FBN2: variants seen among roughly 807,000 people sequenced by gnomAD.
FBN2 encodes the protein fibrillin-2.
In FBN2, 105 loss-of-function variants were observed where a neutral mutation model predicts 355.6. That is an observed-to-expected ratio of 0.30 (90% CI 0.25 to 0.35). The LOEUF (loss-of-function observed/expected upper bound fraction) is 0.35. Ranked by LOEUF, FBN2 falls within the 10% of genes least tolerant of loss-of-function variation. The pLI is 1.00. For missense variants in FBN2, 3,280 were observed against 3,758.7 expected, an observed-to-expected ratio of 0.87 and a Z score of 3.33; for synonymous variants, 1,350 against 1,301.2, an observed-to-expected ratio of 1.04 and a Z score of -0.81.
chr5:128,519,162 A>G (rs1000386768), intron 5 of FBN2, 111 bp downstream of exon 5: 20 of 782,102 alleles, frequency 2.6e-5, no homozygotes, highest in Admixed American at 4.1e-5. Context: ...TAATCAAAGA[A>G]GAGTAAAAAT....
intron 7 of FBN2, among the ~76,000 whole-genome samples, chr5:128,435,294 T>C (rs1030909759): frequency 3.9e-4 from 60 of 152,310 alleles, no homozygotes; most frequent in African/African-American, 1.3e-3. Context: ...GGTCATTTCA[T>C]TGCCTGTTAA....
intron 11 of FBN2, among the ~76,000 whole-genome samples, chr5:128,383,317 A>T (rs1030428387): frequency 9.9e-5 from 15 of 151,902 alleles, no homozygotes; most frequent in African/African-American, 3.4e-4. Context: ...ATACAATATT[A>T]AAAAAAATGA....
intron 5 of FBN2, among the ~76,000 whole-genome samples, chr5:128,479,321 T>C (rs1402279092): frequency 3.3e-5 from 5 of 152,220 alleles, no homozygotes; most frequent in African/African-American, 1.2e-4. Context: ...CGTGGTCTTA[T>C]ATTCCTGTGT....
At chr5:128,364,752 C>G in intron 17 of FBN2, 27 bp from the exon 18 acceptor site, 1 of 1,593,926 alleles carries the variant, frequency 6.3e-7, no homozygotes, top group Non-Finnish European at 8.6e-7. Flanking sequence ...AAGTTTAGTG[C>G]TATCAACAAA....
Position 128,537,355 on chromosome 5 carries a change from G to A in FBN2, c.249C>T (p.Leu83=), listed in dbSNP as rs1756881262. 3.1e-6 allele frequency: 5 copies of A among 1,610,388 alleles called. No homozygotes were observed. Among genetic ancestry groups the A allele is most frequent in the African/African-American group, 1.3e-5 (1 of 74,936 alleles). Reference sequence around the variant, plus strand: ...GGAGCCGCTTGCCCACTTACCCTCGGAGCACGTCCTGCTGTCCTCGCCGGC... The same window carrying A: ...GGAGCCGCTTGCCCACTTACCCTCGAAGCACGTCCTGCTGTCCTCGCCGGC... ...RVRRRGQQDV[L]RGPNVCGSRF... Residue 83 remains leucine (L), a synonymous_variant, in exon 1 of 65, where the codon CTC becomes CTT. Transcript: ENST00000262464.
At chr5:128,460,827 C>A (rs1452286750) in intron 6 of FBN2, among the ~76,000 whole-genome samples, 1 of 152,084 alleles carries the variant, frequency 6.6e-6, no homozygotes, top group African/African-American at 2.4e-5. Context: ...GAAACTGGAC[C>A]CCTTCCTTAC....
chr5:128,414,521 A>G (rs1270991563), intron 7 of FBN2, among the ~76,000 whole-genome samples: 1 of 152,186 alleles, frequency 6.6e-6, no homozygotes, highest in Non-Finnish European at 1.5e-5. Context: ...TTATTCATTT[A>G]TCAGTCAATG....
intron 18 of FBN2, among the ~76,000 whole-genome samples, chr5:128,364,240 A>C (rs1043965831): frequency 4.6e-5 from 7 of 152,158 alleles, no homozygotes; most frequent in Non-Finnish European, 1.0e-4. Flanking sequence ...AAATTCTCTC[A>C]ACCTGTAACA....
At chr5:128,484,503 T>A (rs1207687008) in intron 5 of FBN2, among the ~76,000 whole-genome samples, 1 of 151,656 alleles carries the variant, frequency 6.6e-6, no homozygotes, top group Non-Finnish European at 1.5e-5. Flanking sequence ...AACAGAAAAA[T>A]ATATTTACAG....
Position 128,338,002 on chromosome 5 carries a change from C to T in FBN2, c.3593G>A (p.Cys1198Tyr), listed in dbSNP as rs863223567. 1 of 1,614,122 alleles carries T rather than the reference C, an allele frequency of 6.2e-7. No individual in the cohort carries two copies. The highest frequency in any genetic ancestry group is 8.5e-7 in the Non-Finnish European group (1 of 1,179,984). Reference sequence around the variant, plus strand: ...TGCTGAGGAGATAAACTCACCCACACAGTCCTCACGGGATGGTGACAGCTC... The same window carrying T: ...TGCTGAGGAGATAAACTCACCCACATAGTCCTCACGGGATGGTGACAGCTC... ...GHELSPSRED[C>Y]VDINECSLSD... The change falls in exon 27 of 65, where the codon TGT (cysteine) becomes TAT (tyrosine). Residue 1198 changes from cysteine (C) to tyrosine (Y), a missense_variant. Cys to Tyr is a radical substitution (Grantham distance 194). This residue lies in a region of FBN2 where 2,284 missense variants were observed against 2,749.5 expected (regional missense o/e 0.83). Transcript: ENST00000262464.
chr5:128,466,265 T>C (rs1017601597), intron 5 of FBN2, among the ~76,000 whole-genome samples: 2 of 152,182 alleles, frequency 1.3e-5, no homozygotes, highest in African/African-American at 2.4e-5. Context: ...ATTATGTCAA[T>C]ACAGTTTATT....
chr5:128,433,366 C>G (rs1405581318), intron 7 of FBN2, among the ~76,000 whole-genome samples: 1 of 152,096 alleles, frequency 6.6e-6, no homozygotes, highest in Non-Finnish European at 1.5e-5. Context: ...TTTTACGATC[C>G]TCTCTTTTAC....
rs1751304438 is a variant in FBN2, at chr5:128,349,993, G to C, written c.2825C>G (p.Pro942Arg). ...ACCTTTAATCCTGGCAAGCCCTCTT[G>C]GGCAAGCTGTATCTGTAACAACAAC... ...CERCELDTAC[P>R]RGLARIKGVT... The change falls in exon 22 of 65, where the codon CCA becomes CGA. Residue 942 changes from proline (P) to arginine (R), a missense_variant. Pro to Arg is a moderately radical substitution (Grantham distance 103). This residue lies in a region of FBN2 where 2,284 missense variants were observed against 2,749.5 expected (regional missense o/e 0.83). Transcript: ENST00000262464. 1 of 1,613,732 alleles carries C rather than the reference G, an allele frequency of 6.2e-7. No homozygotes were observed. Among genetic ancestry groups the C allele is most frequent in the Non-Finnish European group, 8.5e-7 (1 of 1,179,640 alleles).
intron 19 of FBN2, among the ~76,000 whole-genome samples, chr5:128,359,240 CA>C (rs1406118369): frequency 6.6e-6 from 1 of 151,952 alleles, no homozygotes; most frequent in Non-Finnish European, 1.5e-5. Context: ...GATTGACAAA[CA>C]AAATTAGTGC....
rs1240617519 is a variant in FBN2 at position 128,298,668 on chromosome 5, GC to G, written c.6166+2148del. ...TCTGCATTCTTCACGTAGTTCTCGAGCCTTGGTTTTCAGCTCCATCAGCTCC... is the reference window on the plus strand; with the variant it reads ...TCTGCATTCTTCACGTAGTTCTCGAGCTTGGTTTTCAGCTCCATCAGCTCC... On this transcript the variant is annotated intron_variant, in intron 48 of 64. Transcript: ENST00000262464. 6.6e-5 allele frequency among the ~76,000 whole-genome samples: 10 copies of G among 152,148 alleles called. No individual in the cohort carries two copies. In the East Asian group the frequency reaches 1.3e-3, roughly 21 times the overall value.
chr5:128,297,557 C>A (rs1046696680), intron 48 of FBN2, among the ~76,000 whole-genome samples: 3 of 152,210 alleles, frequency 2.0e-5, no homozygotes, highest in African/African-American at 7.2e-5. Context: ...ACAGTTCACT[C>A]TTCTTGTTGA....
At chr5:128,399,338 G>A (rs888397927) in intron 8 of FBN2, among the ~76,000 whole-genome samples, 1 of 152,152 alleles carries the variant, frequency 6.6e-6, no homozygotes, top group African/African-American at 2.4e-5. Context: ...ACCAATGGAT[G>A]CCAGAACACA....
intron 36 of FBN2, among the ~76,000 whole-genome samples, chr5:128,313,725 C>A (rs1463352538): frequency 1.3e-5 from 2 of 151,666 alleles, no homozygotes; most frequent in African/African-American, 2.4e-5. Flanking sequence ...TGGTGGCGGG[C>A]ACCTGTAGTC....
intron 30 of FBN2, 102 bp downstream of exon 30, chr5:128,335,068 A>C: frequency 5.2e-6 from 8 of 1,533,364 alleles, no homozygotes; most frequent in Non-Finnish European, 7.2e-6. Flanking sequence ...TGAATTTTTA[A>C]AATAACAACA....
Sources: allele counts gnomAD v4.1 joint callset (sites outside exome capture counted in the v4.1 genomes callset), GRCh38; gene constraint gnomAD v4.1.1; regional missense constraint gnomAD v4.1.1; transcripts MANE v1.5; gene names NCBI Gene and HGNC (gene_info 2026-07-23, HGNC 2026-07-21).